Variants in FRMPD3 observed in about 807,000 individuals in gnomAD.
FRMPD3 encodes the protein FERM and PDZ domain containing 3, also known as FERM and PDZ domain-containing protein 3.
Under a neutral mutation model 97.9 loss-of-function variants are expected in FRMPD3, and 42 were observed. The observed-to-expected ratio is 0.43, with a 90% confidence interval of 0.34 to 0.55. The LOEUF is 0.55. Ranked by LOEUF, FRMPD3 falls within the 20% of genes least tolerant of loss-of-function variation. The probability of loss-of-function intolerance (pLI) is 0.03; values close to 1 mark genes in which losing one functional copy is unlikely to be tolerated. For synonymous variants in FRMPD3, 577 were observed against 581.1 expected (o/e 0.99, Z 0.10); for missense variants, 1,303 against 1,457.7 (o/e 0.89, Z 1.73).
intron 1 of FRMPD3, among the ~76,000 whole-genome samples, chrX:107,469,226 CAAAAGA>C (rs1327849784): frequency 8.9e-6 from 1 of 111,901 alleles, no homozygotes; most frequent in Admixed American, 9.5e-5. Context: ...GGGCAATTTA[CAAAAGA>C]AAGAGGTTTA....
At chrX:107,502,059 G>A (rs749284757) in intron 1 of FRMPD3, among the ~76,000 whole-genome samples, 2 of 110,917 alleles carry the variant, frequency 1.8e-5, no homozygotes, top group South Asian at 7.9e-4. Context: ...GAGGCAGCAG[G>A]GAGCAGCACT....
intron 12 of FRMPD3, among the ~76,000 whole-genome samples, chrX:107,568,306 A>G (rs1922696887): frequency 9.4e-6 from 1 of 106,565 alleles, no homozygotes; most frequent in South Asian, 4.4e-4. Flanking sequence ...TACATGTGCC[A>G]TGTTGGTGTG....
chrX:107,565,678 G>T (rs748559149), intron 12 of FRMPD3, among the ~76,000 whole-genome samples: 2 of 100,364 alleles, frequency 2.0e-5, no homozygotes, highest in South Asian at 9.0e-4. Flanking sequence ...CTGGGCAACA[G>T]AGTGAAACCC....
At chrX:107,533,441 T>G in intron 3 of FRMPD3, 64 bp from the exon 4 acceptor site, 1 of 1,013,850 alleles carries the variant, frequency 9.9e-7, no homozygotes, top group South Asian at 2.0e-5. Context: ...TGGTGTTGCT[T>G]CTTGTACTAG....
chrX:107,519,758 T>C (rs1048831173), intron 1 of FRMPD3, among the ~76,000 whole-genome samples: 1 of 111,030 alleles, frequency 9.0e-6, no homozygotes, highest in East Asian at 2.8e-4. Context: ...GGAGGCAGCA[T>C]TGGCAAGCAA....
At chrX:107,578,842 A>G (rs1163829449) in intron 13 of FRMPD3, among the ~76,000 whole-genome samples, 2 of 110,918 alleles carry the variant, frequency 1.8e-5, no homozygotes, top group Admixed American at 9.6e-5. Flanking sequence ...TCACAGCTCT[A>G]CCTGGGTTCA....
At chrX:107,457,910 T>G (rs1306244391) in intron 1 of FRMPD3, among the ~76,000 whole-genome samples, 3 of 111,623 alleles carry the variant, frequency 2.7e-5, no homozygotes, top group Non-Finnish European at 5.6e-5. Context: ...AGCGTACATT[T>G]ATTCTCTCAA....
In FRMPD3 at chrX:107,569,294, C is replaced by CAAA. The variant is rs752263727; in HGVS notation, c.1296+4249_1296+4251dup. The stretch of plus-strand genomic sequence containing the variant: ...TGGGTGACAGAGCGAGACTCCATCT[C>CAAA]AAAAAAAAAAAAAAAAAAAAAAAGC... On this transcript the variant is annotated intron_variant, in intron 12 of 14. Coordinates refer to ENST00000683843, the MANE Select transcript of FRMPD3 (RefSeq NM_001388459.1). Among the ~76,000 whole-genome samples the CAAA allele has an allele frequency of 6.1e-4, 13 of 21,184 alleles. 1 individual carries two copies. The highest frequency in any genetic ancestry group is 1.5e-3 in the East Asian group (1 of 688). The allele number at this position is 21,184 out of a possible 115,157, so 18.4% of individuals were successfully genotyped here. A position where few individuals can be genotyped will look rare whatever the true frequency, so the allele number is the denominator to read the frequency against.
intron 10 of FRMPD3, among the ~76,000 whole-genome samples, chrX:107,561,328 G>A (rs1922356056): frequency 9.0e-6 from 1 of 110,607 alleles, no homozygotes; most frequent in South Asian, 3.8e-4. Context: ...GTGAGACAGC[G>A]TCTTTACTTT....
At position 107,554,416 on chromosome X, in the gene FRMPD3, A is replaced by G; in HGVS notation, c.674A>G (p.Lys225Arg). 1 of 1,209,608 alleles carries G rather than the reference A, an allele frequency of 8.3e-7. No homozygotes were observed. The highest frequency in any genetic ancestry group is 1.1e-6 in the Non-Finnish European group (1 of 894,700). Residue 225 changes from lysine to arginine, a missense_variant, in exon 8 of 15, where the codon AAA (lysine) becomes AGA (arginine). Coordinates refer to ENST00000683843, the MANE Select transcript of FRMPD3 (RefSeq NM_001388459.1). ...VVQRTHYHGMKCLFRISFFPK... is the reference protein window; with the variant it reads ...VVQRTHYHGMRCLFRISFFPK... The stretch of plus-strand genomic sequence containing the variant: ...CAGCGGACACACTATCATGGAATGA[A>G]ATGCCTCTTCCGAATAAGCTTCTTT...
At chrX:107,464,418 A>G in intron 1 of FRMPD3, among the ~76,000 whole-genome samples, 1 of 110,610 alleles carries the variant, frequency 9.0e-6, no homozygotes, top group East Asian at 2.8e-4. Flanking sequence ...ATATGGTTCC[A>G]CAGCTAAGCT....
chrX:107,470,298 G>A (rs1043462598), intron 1 of FRMPD3, among the ~76,000 whole-genome samples: 3 of 112,420 alleles, frequency 2.7e-5, no homozygotes, highest in Admixed American at 1.9e-4. Flanking sequence ...CACTCATGAG[G>A]TTGCATTCAA....
chrX:107,455,489 G>A (rs762470583), intron 1 of FRMPD3, among the ~76,000 whole-genome samples: 47 of 111,890 alleles, frequency 4.2e-4, no homozygotes, highest in Non-Finnish European at 5.5e-4. Flanking sequence ...GCTTGAACAC[G>A]GGAGGTCGAG....
chrX:107,582,736 A>AT (rs778602970), intron 13 of FRMPD3, among the ~76,000 whole-genome samples: 1 of 112,510 alleles, frequency 8.9e-6, no homozygotes, highest in Non-Finnish European at 1.9e-5. Flanking sequence ...GTCTATCCTT[A>AT]TGCCACCACT....
chrX:107,475,428 A>G (rs1373080921), intron 1 of FRMPD3, among the ~76,000 whole-genome samples: 2 of 112,329 alleles, frequency 1.8e-5, no homozygotes, highest in Non-Finnish European at 3.8e-5. Flanking sequence ...CATTGGTTTG[A>G]GAAGAATCTC....
At chrX:107,577,481 C>CA (rs372014103) in intron 13 of FRMPD3, among the ~76,000 whole-genome samples, 351 of 32,998 alleles carry the variant, frequency 0.011, 2 homozygotes, top group South Asian at 0.016. Context: ...GAGACTGTCT[C>CA]AAAAAAAAAA....
At chrX:107,486,781 G>T (rs1328221559) in intron 1 of FRMPD3, among the ~76,000 whole-genome samples, 3 of 111,566 alleles carry the variant, frequency 2.7e-5, no homozygotes, top group Non-Finnish European at 5.6e-5. Flanking sequence ...AGAGGATGTG[G>T]TCATCTTGTG....
At chrX:107,537,088 C>G (rs937324871) in intron 4 of FRMPD3, among the ~76,000 whole-genome samples, 2 of 111,770 alleles carry the variant, frequency 1.8e-5, no homozygotes, top group Non-Finnish European at 3.8e-5. Flanking sequence ...CTCTGCAGGT[C>G]CCAACCCATG....
chrX:107,501,201 G>C (rs1921895885), intron 1 of FRMPD3, among the ~76,000 whole-genome samples: 1 of 108,450 alleles, frequency 9.2e-6, no homozygotes, highest in Admixed American at 1.0e-4. Context: ...CACAGCATGG[G>C]GGAAGGATTG....
Sources: allele counts gnomAD v4.1 joint callset (sites outside exome capture counted in the v4.1 genomes callset), GRCh38; gene constraint gnomAD v4.1.1; transcripts MANE v1.5; gene names NCBI Gene and HGNC (gene_info 2026-07-23, HGNC 2026-07-21).